Variants in NEGR1 observed in about 807,000 individuals in gnomAD.
NEGR1 encodes IgLON family member 4.
A neutral mutation model predicts 40.9 loss-of-function variants in NEGR1; 10 were observed. That is an observed-to-expected ratio of 0.24 (90% CI 0.15 to 0.42). The LOEUF (loss-of-function observed/expected upper bound fraction) is 0.42. Ranked by LOEUF, NEGR1 falls within the 10% of genes least tolerant of loss-of-function variation. The probability of loss-of-function intolerance (pLI) is 1.00; values close to 1 mark genes in which losing one functional copy is unlikely to be tolerated. For synonymous variants in NEGR1, 185 were observed against 166.8 expected (o/e 1.11, Z -0.84); for missense variants, 352 against 438.9 (o/e 0.80, Z 1.77).
chr1:71,731,925 T>C (rs1654884588), intron 3 of NEGR1, among the ~76,000 whole-genome samples: 3 of 152,244 alleles, frequency 2.0e-5, no homozygotes, highest in Admixed American at 1.3e-4. Flanking sequence ...GGTCACTTAT[T>C]AGACTTCTAT....
chr1:71,521,979 C>A (rs1647160405), intron 6 of NEGR1, among the ~76,000 whole-genome samples: 1 of 151,882 alleles, frequency 6.6e-6, no homozygotes, highest in African/African-American at 2.4e-5. Context: ...ATAATTTTTT[C>A]TGCTCTGTCA....
chr1:71,697,693 T>G (rs893868702), intron 4 of NEGR1, among the ~76,000 whole-genome samples: 6 of 151,746 alleles, frequency 4.0e-5, no homozygotes, highest in African/African-American at 1.4e-4. Flanking sequence ...GTAAAGCTCA[T>G]GAGGAAAACA....
intron 6 of NEGR1, among the ~76,000 whole-genome samples, chr1:71,573,912 A>T (rs1286598931): frequency 6.6e-6 from 1 of 152,136 alleles, no homozygotes; most frequent in African/African-American, 2.4e-5. Flanking sequence ...GGATACACCT[A>T]CCATTTTTAT....
intron 6 of NEGR1, among the ~76,000 whole-genome samples, chr1:71,430,987 T>G (rs542021276): frequency 6.6e-4 from 101 of 152,092 alleles, no homozygotes; most frequent in Admixed American, 5.7e-3. Context: ...GACCTCGTGA[T>G]CCGCCCACCT....
At chr1:71,773,965 A>T (rs1298592261) in intron 3 of NEGR1, among the ~76,000 whole-genome samples, 2 of 152,214 alleles carry the variant, frequency 1.3e-5, no homozygotes, top group Non-Finnish European at 2.9e-5. Context: ...CATAATATTA[A>T]TCTTAAATTA....
Position 71,935,261 on chromosome 1 carries a change from C to T in NEGR1, c.227G>A (p.Ser76Asn), listed in dbSNP as rs760633817. Residue 76 changes from serine to asparagine, a missense_variant, in exon 2 of 7, where the codon AGT becomes AAT. By Grantham distance (46) the Ser-to-Asn change is conservative (BLOSUM62 1). Coordinates refer to ENST00000357731, the MANE Select transcript of NEGR1 (RefSeq NM_173808.3). Reference sequence around the variant, plus strand: ...CTTATCACCTCCCGCAAAAATAATACTTGACCGGTTCAGCCAGGCACCCTT... The same window carrying T: ...CTTATCACCTCCCGCAAAAATAATATTTGACCGGTTCAGCCAGGCACCCTT... The part of the protein sequence containing the change: ...ASKGAWLNRS[S>N]IIFAGGDKWS... 6.2e-7 allele frequency: 1 copy of T among 1,614,026 alleles called. No individual in the cohort carries two copies. The highest frequency in any genetic ancestry group is 1.1e-5 in the South Asian group (1 of 91,078).
intron 2 of NEGR1, among the ~76,000 whole-genome samples, chr1:71,928,896 C>T (rs1645827656): frequency 6.6e-6 from 1 of 152,006 alleles, no homozygotes; most frequent in South Asian, 2.1e-4. Context: ...TATAATTTGT[C>T]TTCCATTGGA....
chr1:71,724,398 A>G (rs1287986592), intron 3 of NEGR1, among the ~76,000 whole-genome samples: 1 of 152,184 alleles, frequency 6.6e-6, no homozygotes, highest in Non-Finnish European at 1.5e-5. Flanking sequence ...AACAGAATAT[A>G]GGTATAGAAG....
At chr1:71,642,441 T>C (rs1169320590) in intron 4 of NEGR1, among the ~76,000 whole-genome samples, 1 of 149,898 alleles carries the variant, frequency 6.7e-6, no homozygotes, top group East Asian at 2.0e-4. Flanking sequence ...AGAGAAAAAA[T>C]TGGGGGGGAG....
intron 1 of NEGR1, among the ~76,000 whole-genome samples, chr1:72,018,499 T>C (rs1646730776): frequency 6.6e-6 from 1 of 152,212 alleles, no homozygotes; most frequent in South Asian, 2.1e-4. Flanking sequence ...ATGTACGTTT[T>C]ATGACATCTC....
intron 1 of NEGR1, among the ~76,000 whole-genome samples, chr1:72,227,981 A>AG (rs1654245957): frequency 6.6e-6 from 1 of 152,120 alleles, no homozygotes; most frequent in Non-Finnish European, 1.5e-5. Flanking sequence ...ATAAAGCAAT[A>AG]ATAGCACCTG....
At position 71,939,218 on chromosome 1, in the gene NEGR1, G is replaced by A. The variant is rs781330000; in HGVS notation, c.177-3907C>T. Among the ~76,000 whole-genome samples the A allele has an allele frequency of 2.1e-3, 321 of 152,028 alleles. 1 individual carries two copies. The highest frequency in any genetic ancestry group is 3.9e-3 in the Non-Finnish European group (265 of 67,960). On this transcript the variant is annotated intron_variant, in intron 1 of 6. Transcript: ENST00000357731. ...CATAACTTGTTCCCTATCTTCCTTA[G>A]GTTTTCATTAAATGACCTAATGTAT...
chr1:72,049,630 A>C (rs1043707683), intron 1 of NEGR1, among the ~76,000 whole-genome samples: 1 of 151,504 alleles, frequency 6.6e-6, no homozygotes, highest in African/African-American at 2.4e-5. Flanking sequence ...TGTGTTTCCC[A>C]TTGTCATTGT....
intron 6 of NEGR1, among the ~76,000 whole-genome samples, chr1:71,542,931 G>A (rs1360975475): frequency 2.6e-5 from 4 of 151,668 alleles, no homozygotes; most frequent in African/African-American, 7.3e-5. Flanking sequence ...AAGTACAACT[G>A]TGTGTACGTA....
intron 6 of NEGR1, among the ~76,000 whole-genome samples, chr1:71,570,264 G>A (rs924009212): frequency 5.3e-5 from 8 of 152,022 alleles, no homozygotes; most frequent in Non-Finnish European, 1.2e-4. Context: ...CATTTTCTTT[G>A]ACAAGTGACA....
chr1:71,626,500 T>A (rs1650784689), intron 4 of NEGR1, among the ~76,000 whole-genome samples: 1 of 151,894 alleles, frequency 6.6e-6, no homozygotes, highest in African/African-American at 2.4e-5. Context: ...CTGAGAATGA[T>A]GTCCCTTCAT....
chr1:72,059,179 T>G (rs12036443), intron 1 of NEGR1, among the ~76,000 whole-genome samples: 59,675 of 151,256 alleles, frequency 0.39, 12,465 homozygotes, highest in East Asian at 0.6. Flanking sequence ...CTGCATAGAG[T>G]ACAGCATCTA....
chr1:72,275,020 G>A, intron 1 of NEGR1: 1 of 1,532,638 alleles, frequency 6.5e-7, no homozygotes, highest in Non-Finnish European at 9.0e-7. Flanking sequence ...GCCTGAGAAG[G>A]AAATCAGACC....
At chr1:72,258,509 A>C (rs1655351165) in intron 1 of NEGR1, among the ~76,000 whole-genome samples, 1 of 152,226 alleles carries the variant, frequency 6.6e-6, no homozygotes, top group Non-Finnish European at 1.5e-5. Context: ...AAAATAGAGC[A>C]GAGACAAAGA....
Sources: allele counts gnomAD v4.1 joint callset (sites outside exome capture counted in the v4.1 genomes callset), GRCh38; gene constraint gnomAD v4.1.1; transcripts MANE v1.5; gene names NCBI Gene and HGNC (gene_info 2026-07-23, HGNC 2026-07-21).